HOOK1: variants seen among roughly 807,000 people sequenced by gnomAD.
The protein encoded by HOOK1 is protein Hook homolog 1.
A neutral mutation model predicts 112.8 loss-of-function variants in HOOK1; 60 were observed. The ratio of observed to expected loss-of-function variants is 0.53; its 90% confidence interval spans 0.43 to 0.66. The LOEUF (loss-of-function observed/expected upper bound fraction) is 0.66. HOOK1 is among the 30% of genes least tolerant of loss of function. HOOK1 has a pLI of 0.00. For missense variants in HOOK1, 770 were observed against 856.0 expected, an observed-to-expected ratio of 0.90 and a Z score of 1.25; for synonymous variants, 294 against 283.8, an observed-to-expected ratio of 1.04 and a Z score of -0.36.
At position 59,821,854 on chromosome 1, in the gene HOOK1, T is replaced by C. The variant is rs2098385939; in HGVS notation, c.64-4T>C. ...GTAAGATCATTTGATTTATGTCATT[T>C]TAGCTGCAGACATTCAATACTGCCT... On this transcript the variant is annotated splice_polypyrimidine_tract_variant and splice_region_variant and intron_variant, in intron 1 of 21. Transcript: ENST00000371208. The C allele has an allele frequency of 6.3e-7, 1 of 1,583,284 alleles. No individual in the cohort carries two copies. Among genetic ancestry groups the C allele is most frequent in the Admixed American group, 1.8e-5 (1 of 54,132 alleles).
chr1:59,831,479 C>G (rs2098393934), intron 3 of HOOK1, among the ~76,000 whole-genome samples: 2 of 152,154 alleles, frequency 1.3e-5, no homozygotes, highest in African/African-American at 4.8e-5. Flanking sequence ...AAAGAACATT[C>G]AGTTTCACCC....
chr1:59,865,207 A>T lies in HOOK1; in HGVS notation c.1706A>T (p.Glu569Val). The T allele has an allele frequency of 6.2e-7, 1 of 1,610,124 alleles. No homozygotes were observed. Among genetic ancestry groups the T allele is most frequent in the East Asian group, 2.2e-5 (1 of 44,832 alleles). ...EVHEELQKKQELIEDLQPDIN... is the reference protein window; with the variant it reads ...EVHEELQKKQVLIEDLQPDIN... ...CATGAAGAATTACAGAAGAAACAAG[A>T]ACTCATTGAAGATCTTCAGCCAGAT... The change falls in exon 18 of 22, where the codon GAA (glutamate) becomes GTA (valine). Residue 569 changes from glutamate to valine, a missense_variant. By Grantham distance (121) the Glu-to-Val change is moderately radical (BLOSUM62 -2). Transcript: ENST00000371208.
intron 21 of HOOK1, among the ~76,000 whole-genome samples, chr1:59,871,374 A>G (rs754575058): frequency 1.3e-5 from 2 of 152,234 alleles, no homozygotes; most frequent in Non-Finnish European, 2.9e-5. Flanking sequence ...CACAGGTGTA[A>G]TAATTCATAA....
rs58867974 is a variant in HOOK1 at position 59,873,725 on chromosome 1, C to CTATATA, written c.*795_*800dup. 3,460 of 56,074 alleles carry CTATATA rather than the reference C, an allele frequency of 0.062. 251 individuals carry two copies. The highest frequency in any genetic ancestry group is 0.068 in the African/African-American group (1,009 of 14,758). The allele number at this position is 56,074 out of a possible 1,614,324, so 3.5% of individuals were successfully genotyped here. ...AGGTGACTTTCTGATGGAAAGCAAG[C>CTATATA]TATATATATATATATATATATATAT... is the stretch of plus-strand genomic sequence containing the variant. On this transcript the variant is annotated 3_prime_UTR_variant, in exon 22 of 22. Coordinates refer to ENST00000371208, the MANE Select transcript of HOOK1 (RefSeq NM_015888.6).
chr1:59,817,359 A>T (rs1465674576), intron 1 of HOOK1, among the ~76,000 whole-genome samples: 1 of 152,068 alleles, frequency 6.6e-6, no homozygotes, highest in African/African-American at 2.4e-5. Context: ...AAATCCACTA[A>T]GTGTTATATT....
At chr1:59,833,268 ATAAT>A (rs2102020727) in intron 4 of HOOK1, 133 bp from the exon 5 acceptor site, 2 of 696,858 alleles carry the variant, frequency 2.9e-6, no homozygotes, top group Non-Finnish European at 4.2e-6. Context: ...ACTGGTTTTA[ATAAT>A]TATTTATTTG....
At chr1:59,829,902 C>G (rs1174196690) in intron 3 of HOOK1, among the ~76,000 whole-genome samples, 2 of 152,012 alleles carry the variant, frequency 1.3e-5, no homozygotes, top group African/African-American at 4.8e-5. Context: ...CAGACTGTTA[C>G]TTTATTTTCA....
intron 2 of HOOK1, among the ~76,000 whole-genome samples, chr1:59,826,929 A>AT: frequency 6.6e-6 from 1 of 152,028 alleles, no homozygotes; most frequent in South Asian, 2.1e-4. Flanking sequence ...TGCCTGGCTA[A>AT]TTTTTTTGTA....
intron 9 of HOOK1, 98 bp downstream of exon 9, chr1:59,843,696 C>T: frequency 1.1e-6 from 1 of 917,594 alleles, no homozygotes; most frequent in Non-Finnish European, 1.6e-6. Flanking sequence ...CATTGTTAAG[C>T]ATCTTTAGGA....
At chr1:59,821,280 G>A (rs1305087780) in intron 1 of HOOK1, among the ~76,000 whole-genome samples, 1 of 152,098 alleles carries the variant, frequency 6.6e-6, no homozygotes, top group Non-Finnish European at 1.5e-5. Flanking sequence ...ACAGATATAT[G>A]TGAAAAGTTA....
At chr1:59,863,442 G>A (rs896177591) in intron 16 of HOOK1, among the ~76,000 whole-genome samples, 4 of 152,118 alleles carry the variant, frequency 2.6e-5, no homozygotes, top group African/African-American at 4.8e-5. Context: ...TGGCCTTACC[G>A]TTTTCTGATG....
At chr1:59,867,290 A>G (rs1643982187) in intron 19 of HOOK1, among the ~76,000 whole-genome samples, 1 of 152,218 alleles carries the variant, frequency 6.6e-6, no homozygotes, top group Non-Finnish European at 1.5e-5. Context: ...AAATTATTCA[A>G]TGTATTCTGC....
chr1:59,869,628 C>G (rs909748561), intron 20 of HOOK1, among the ~76,000 whole-genome samples: 1 of 152,104 alleles, frequency 6.6e-6, no homozygotes, highest in Non-Finnish European at 1.5e-5. Context: ...GACTTAAAGA[C>G]TTTAACACCC....
intron 8 of HOOK1, among the ~76,000 whole-genome samples, chr1:59,841,696 A>T (rs901448135): frequency 8.5e-5 from 13 of 152,140 alleles, no homozygotes; most frequent in African/African-American, 1.2e-4. Flanking sequence ...CAGAAGATTG[A>T]GCCATTCAGG....
At chr1:59,855,528 C>T (rs936025847) in intron 12 of HOOK1, among the ~76,000 whole-genome samples, 2 of 152,136 alleles carry the variant, frequency 1.3e-5, no homozygotes, top group African/African-American at 4.8e-5. Flanking sequence ...TTTATCCAAT[C>T]TGTCATTAAT....
chr1:59,860,738 C>T (rs1378130892), intron 15 of HOOK1, among the ~76,000 whole-genome samples: 3 of 151,694 alleles, frequency 2.0e-5, no homozygotes, highest in African/African-American at 4.8e-5. Flanking sequence ...ACATGCACCA[C>T]CATGCTTGGA....
Position 59,862,773 on chromosome 1 carries a change from T to TGC in HOOK1, c.1533-11_1533-10insGC, listed in dbSNP as rs2098414301. The TGC allele has an allele frequency of 6.4e-7, 1 of 1,571,536 alleles. No individual in the cohort carries two copies. The highest frequency in any genetic ancestry group is 1.7e-5 in the Admixed American group (1 of 59,848). The stretch of plus-strand genomic sequence containing the variant: ...AATACAAGTAAATGCTTATGACCCA[T>TGC]CTTACAATAGGCTGAGCAAAGAGCG... On this transcript the variant is annotated splice_polypyrimidine_tract_variant and intron_variant, in intron 15 of 21. Transcript: ENST00000371208.
At chr1:59,850,881 C>A (rs1437465154) in intron 12 of HOOK1, among the ~76,000 whole-genome samples, 1 of 151,368 alleles carries the variant, frequency 6.6e-6, no homozygotes, top group African/African-American at 2.4e-5. Context: ...TGTAAAAGAA[C>A]TCTGTATTTT....
Position 59,873,171 on chromosome 1 carries a change from C to T in HOOK1, c.*206C>T, listed in dbSNP as rs945138124. 5.3e-6 allele frequency: 2 copies of T among 378,754 alleles called. No individual in the cohort carries two copies. Among genetic ancestry groups the T allele is most frequent in the African/African-American group, 4.1e-5 (2 of 48,260 alleles). 23.5% of individuals were successfully genotyped at this position (378,754 alleles called of 1,614,324 possible). The stretch of plus-strand genomic sequence containing the variant: ...AATTAGCCATCTCTCTGAGGGAGCA[C>T]ATTTGAATAATTGGAGATGCAGTTA... On this transcript the variant is annotated 3_prime_UTR_variant, in exon 22 of 22. Transcript: ENST00000371208.
Sources: allele counts gnomAD v4.1 joint callset (sites outside exome capture counted in the v4.1 genomes callset), GRCh38; gene constraint gnomAD v4.1.1; transcripts MANE v1.5; gene names NCBI Gene and HGNC (gene_info 2026-07-23, HGNC 2026-07-21).